MGAM2: variants seen among roughly 807,000 people sequenced by gnomAD.
MGAM2 encodes probable maltase-glucoamylase 2.
MGAM2 carries 98 observed loss-of-function variants against 96.1 expected under a neutral mutation model. That is an observed-to-expected ratio of 1.02 (90% confidence interval 0.87 to 1.21). MGAM2 has a LOEUF of 1.21. MGAM2 is among the 50% of genes most tolerant of loss of function. The pLI, the probability that MGAM2 is intolerant of heterozygous loss-of-function variation, is 0.00. For missense variants in MGAM2, 2,055 were observed against 1,182.4 expected, an observed-to-expected ratio of 1.74 and a Z score of -10.82; for synonymous variants, 749 against 414.8, an observed-to-expected ratio of 1.81 and a Z score of -9.79.
chr7:142,124,284 T>C (rs1794676591), intron 3 of MGAM2, among the ~76,000 whole-genome samples: 1 of 152,214 alleles, frequency 6.6e-6, no homozygotes. Context: ...GAAACGTTTT[T>C]TTTCTTGAAT....
At chr7:142,186,666 C>T (rs1355654245) in intron 35 of MGAM2, among the ~76,000 whole-genome samples, 3 of 152,228 alleles carry the variant, frequency 2.0e-5, no homozygotes, top group Non-Finnish European at 4.4e-5. Context: ...CTATGTTTTC[C>T]TCTGTCCTGA....
At chr7:142,126,181 T>A (rs1358165317) in intron 3 of MGAM2, among the ~76,000 whole-genome samples, 2 of 152,102 alleles carry the variant, frequency 1.3e-5, no homozygotes, top group Admixed American at 6.5e-5. Flanking sequence ...AAATATTTTT[T>A]AATTTGGAAC....
At position 142,187,799 on chromosome 7, in the gene MGAM2, G is replaced by A. The variant is rs1796745873; in HGVS notation, c.4172G>A (p.Ser1391Asn). 2.8e-6 allele frequency: 2 copies of A among 702,762 alleles called. No individual in the cohort carries two copies. Among genetic ancestry groups the A allele is most frequent in the East Asian group, 5.4e-5 (2 of 37,274 alleles). The allele number at this position is 702,762 out of a possible 1,614,324, so 43.5% of individuals were successfully genotyped here. ...GTGGATGGATCTGTCAGGGGCTGCA[G>A]CAATGAAATGCTAAATAACCCACCC... ...NFVDGSVRGC[S>N]NEMLNNPPYM... The change falls in exon 36 of 48, where the codon AGC becomes AAC. Residue 1391 changes from serine (S) to asparagine (N), a missense_variant. By Grantham distance (46) the Ser-to-Asn change is conservative. Coordinates refer to ENST00000477922, the MANE Select transcript of MGAM2 (RefSeq NM_001293626.2).
At chr7:142,211,126 C>G (rs1450426830) in intron 46 of MGAM2, among the ~76,000 whole-genome samples, 2 of 152,168 alleles carry the variant, frequency 1.3e-5, no homozygotes, top group African/African-American at 4.8e-5. Flanking sequence ...AACTAACAAA[C>G]AGAAAGCAAT....
At chr7:142,129,626 A>G (rs1163325944) in intron 3 of MGAM2, among the ~76,000 whole-genome samples, 3 of 151,858 alleles carry the variant, frequency 2.0e-5, no homozygotes, top group South Asian at 2.1e-4. Flanking sequence ...GGAGTTCGAG[A>G]CTAGCCTGGC....
rs189549131 is a variant in MGAM2 at position 142,220,437 on chromosome 7, A to G, written c.5926A>G (p.Thr1976Ala). 4.5e-4 allele frequency: 319 copies of G among 702,594 alleles called. No individual in the cohort carries two copies. The highest frequency in any genetic ancestry group is 6.5e-4 in the Non-Finnish European group (251 of 384,874). The allele number at this position is 702,594 out of a possible 1,614,324, so 43.5% of individuals were successfully genotyped here. A position where few individuals can be genotyped will look rare whatever the true frequency, so the allele number is the denominator to read the frequency against. Reference sequence around the variant, plus strand: ...TACTACTACTGCTAGCACTAATGCTACTATTCCTATCACAACCACACCTTT... The same window carrying G: ...TACTACTACTGCTAGCACTAATGCTGCTATTCCTATCACAACCACACCTTT... ...TNTTTASTNA[T>A]IPITTTPFAT... Residue 1976 changes from threonine to alanine, a missense_variant, in exon 48 of 48, where the codon ACT (threonine) becomes GCT (alanine). Transcript: ENST00000477922.
In MGAM2 at chr7:142,158,022, C is replaced by T. The variant is rs1795785757; in HGVS notation, c.2009C>T (p.Pro670Leu). The change falls in exon 18 of 48, where the codon CCC (proline) becomes CTC (leucine). Residue 670 changes from proline to leucine, a missense_variant. Physicochemically the swap from Pro to Leu is moderately conservative, Grantham distance 98. Coordinates refer to ENST00000477922, the MANE Select transcript of MGAM2 (RefSeq NM_001293626.2). ...HYLNIRYTLL[P>L]YLYTLFYHAH... ...CTGAACATCCGCTACACCTTGCTGC[C>T]CTATCTCTATACCCTTTTCTACCAT... The T allele has an allele frequency of 1.4e-6, 1 of 702,976 alleles. No individual in the cohort carries two copies. Among genetic ancestry groups the T allele is most frequent in the Non-Finnish European group, 2.6e-6 (1 of 385,010 alleles). 43.5% of individuals were successfully genotyped at this position (702,976 alleles called of 1,614,324 possible). A position where few individuals can be genotyped will look rare whatever the true frequency, so the allele number is the denominator to read the frequency against.
chr7:142,210,244 G>T (rs914516635), intron 46 of MGAM2, among the ~76,000 whole-genome samples: 2 of 152,006 alleles, frequency 1.3e-5, no homozygotes, highest in Admixed American at 1.3e-4. Context: ...AGGACCCTGG[G>T]TTTCAAGCAC....
intron 1 of MGAM2, among the ~76,000 whole-genome samples, chr7:142,115,876 A>G (rs1309694421): frequency 1.3e-5 from 2 of 152,130 alleles, no homozygotes; most frequent in Non-Finnish European, 2.9e-5. Flanking sequence ...AAATAAAATA[A>G]AGTCAGACAA....
chr7:142,135,039 TAG>T (rs755015667), intron 7 of MGAM2, among the ~76,000 whole-genome samples: 59 of 151,964 alleles, frequency 3.9e-4, no homozygotes, highest in Non-Finnish European at 1.5e-4. Flanking sequence ...TTGAGTCACA[TAG>T]GTTTGTAGAG....
rs190060086 is a variant in MGAM2 at position 142,128,170 on chromosome 7, A to G, written c.187-2778A>G. On this transcript the variant is annotated intron_variant, in intron 3 of 47. Transcript: ENST00000477922. ...ATCTGTGGAACTTTGAACTTGAGAG[A>G]GATGATTTAGGGTATCTGGCAGAAG... 5.3e-5 allele frequency among the ~76,000 whole-genome samples: 8 copies of G among 152,226 alleles called. No homozygotes were observed. In the East Asian group the frequency reaches 1.5e-3, roughly 29 times the overall value.
Position 142,195,516 on chromosome 7 carries a change from C to T in MGAM2, c.4347-638C>T, listed in dbSNP as rs576050253. Among the ~76,000 whole-genome samples the T allele has an allele frequency of 9.3e-4, 101 of 108,776 alleles. 2 individuals are homozygous for T. The South Asian group carries it at 0.021, about 23-fold the overall frequency. The allele number at this position is 108,776 out of a possible 152,430, so 71.4% of individuals were successfully genotyped here. On this transcript the variant is annotated intron_variant, in intron 37 of 47. Transcript: ENST00000477922. ...GGATTAGAGGTATGCACACCACACC[C>T]GGCTAATTTTTTTTTTTTTTAGTAG... is the stretch of plus-strand genomic sequence containing the variant.
At chr7:142,171,807 A>G (rs974017840) in intron 28 of MGAM2, among the ~76,000 whole-genome samples, 2 of 151,374 alleles carry the variant, frequency 1.3e-5, no homozygotes, top group African/African-American at 4.8e-5. Flanking sequence ...TTTGCTCTCC[A>G]GAGACTTATA....
In MGAM2 at chr7:142,158,704, T is replaced by C. The variant is rs549381822; in HGVS notation, c.2163+372T>C. 1.1e-4 allele frequency among the ~76,000 whole-genome samples: 16 copies of C among 152,112 alleles called. No individual in the cohort carries two copies. In the South Asian group the frequency reaches 3.3e-3, roughly 32 times the overall value. On this transcript the variant is annotated intron_variant, in intron 19 of 47. Coordinates refer to ENST00000477922, the MANE Select transcript of MGAM2 (RefSeq NM_001293626.2). ...GGCTGGGCTGCGAAGAGAGAATACC[T>C]GTGGAGAAGAAAAGGGAGGGAGAGA...
intron 45 of MGAM2, among the ~76,000 whole-genome samples, chr7:142,204,578 ATTC>A (rs1302274629): frequency 3.3e-5 from 5 of 152,022 alleles, no homozygotes; most frequent in Admixed American, 6.6e-5. Flanking sequence ...GTCTCCATTT[ATTC>A]TTCTTTAGTA....
chr7:142,170,690 T>C, intron 27 of MGAM2, among the ~76,000 whole-genome samples: 1 of 152,160 alleles, frequency 6.6e-6, no homozygotes, highest in East Asian at 1.9e-4. Flanking sequence ...ATAAAAGGAA[T>C]TGTCATCTCC....
chr7:142,137,445 A>G lies in MGAM2; in HGVS notation c.860A>G (p.Gln287Arg). 1 of 696,658 alleles carries G rather than the reference A, an allele frequency of 1.4e-6. No homozygotes were observed. The highest frequency in any genetic ancestry group is 2.6e-6 in the Non-Finnish European group (1 of 381,968). 43.2% of individuals were successfully genotyped at this position (696,658 alleles called of 1,614,324 possible). The change falls in exon 9 of 48, where the codon CAG (glutamine) becomes CGG (arginine). Residue 287 changes from glutamine to arginine, a missense_variant. Transcript: ENST00000477922. ...MNSNAMEVTL[Q>R]PAPAITYRTI... ...ATAATTTTTTCAGAGGTTACCCTTC[A>G]GCCAGCTCCTGCGATCACTTATCGC...
intron 45 of MGAM2, chr7:142,208,156 A>G (rs952797177): frequency 2.2e-6 from 1 of 459,734 alleles, no homozygotes; most frequent in African/African-American, 2.0e-5. Flanking sequence ...TGGGATTTCA[A>G]CCCATGTCTA....
intron 25 of MGAM2, 29 bp downstream of exon 25, chr7:142,166,282 T>G (rs1350527112): frequency 4.4e-6 from 3 of 679,854 alleles, no homozygotes; most frequent in Non-Finnish European, 8.0e-6. Context: ...ATTACCTCAT[T>G]GATTAGGAAG....
Sources: gnomAD v4.1 joint callset for allele counts (sites outside exome capture counted in the v4.1 genomes callset) on GRCh38, gnomAD v4.1.1 for gene constraint, MANE v1.5 for transcripts, NCBI Gene and HGNC (gene_info 2026-07-23, HGNC 2026-07-21) for gene names.